Variants in PTPRT observed in about 807,000 individuals in gnomAD.
PTPRT encodes receptor-type tyrosine-protein phosphatase T.
PTPRT carries 56 observed loss-of-function variants against 176.8 expected under a neutral mutation model. The observed-to-expected ratio is 0.32, with a 90% confidence interval of 0.26 to 0.40. The LOEUF is 0.40. Among genes scored for constraint, PTPRT ranks in the 10% least tolerant of loss-of-function variants. PTPRT has a pLI of 1.00. For synonymous variants in PTPRT, 783 were observed against 739.0 expected (o/e 1.06, Z -0.96); for missense variants, 1,540 against 1,908.2 (o/e 0.81, Z 3.60).
At chr20:43,029,202 G>A (rs929449720) in intron 1 of PTPRT, among the ~76,000 whole-genome samples, 6 of 152,194 alleles carry the variant, frequency 3.9e-5, no homozygotes, top group Admixed American at 3.9e-4. Flanking sequence ...TCAAAGCCAT[G>A]ATGGTACAGT....
intron 7 of PTPRT, among the ~76,000 whole-genome samples, chr20:42,546,347 AAC>A (rs1194538931): frequency 6.6e-6 from 1 of 152,144 alleles, no homozygotes; most frequent in East Asian, 1.9e-4. Flanking sequence ...GCATTATTTG[AAC>A]ACAGTTTGAA....
intron 2 of PTPRT, among the ~76,000 whole-genome samples, chr20:42,877,378 T>C (rs536524172): frequency 6.6e-6 from 1 of 152,122 alleles, no homozygotes; most frequent in African/African-American, 2.4e-5. Flanking sequence ...GATGAGCAGC[T>C]GGCATCTTCA....
At chr20:42,844,959 C>T (rs2078343301) in intron 2 of PTPRT, among the ~76,000 whole-genome samples, 2 of 152,120 alleles carry the variant, frequency 1.3e-5, no homozygotes, top group African/African-American at 4.8e-5. Context: ...ATAGAGTTTG[C>T]GGTCTCCAAG....
chr20:42,102,435 C>A (rs73909209), intron 25 of PTPRT, 138 bp from the exon 26 acceptor site: 1 of 934,362 alleles, frequency 1.1e-6, no homozygotes. Flanking sequence ...TTCCCGGGAC[C>A]CATTTCTCTT....
chr20:42,548,399 C>T lies in PTPRT; in HGVS notation c.1154-75837G>A, dbSNP rs184374270. On this transcript the variant is annotated intron_variant, in intron 7 of 30. Transcript: ENST00000373187. ...ATATCATGTAATAAATGTTAAATTG[C>T]ACATCAATAAAAAAGTGATGGACAG... Among the ~76,000 whole-genome samples the T allele has an allele frequency of 1.6e-3, 236 of 151,934 alleles. 2 individuals carry two copies. The highest frequency in any genetic ancestry group is 5.2e-3 in the African/African-American group (214 of 41,460).
intron 2 of PTPRT, among the ~76,000 whole-genome samples, chr20:42,808,107 G>A (rs535927597): frequency 4.6e-5 from 7 of 152,274 alleles, no homozygotes; most frequent in East Asian, 1.9e-4. Flanking sequence ...AGTCCTGCCC[G>A]TTGCAGACTC....
rs561838753 is a variant in PTPRT at position 42,136,165 on chromosome 20, A to G, written c.2770+5750T>C. On this transcript the variant is annotated intron_variant, in intron 18 of 30. Coordinates refer to ENST00000373187, the MANE Select transcript of PTPRT (RefSeq NM_007050.6). Reference sequence around the variant, plus strand: ...TCAAAGAGGTGGGGCTGGGGAGAGAATATTATTTGGATACTTGATATTCTT... The same window carrying G: ...TCAAAGAGGTGGGGCTGGGGAGAGAGTATTATTTGGATACTTGATATTCTT... Among the ~76,000 whole-genome samples, 35 of 149,918 alleles carry G rather than the reference A, an allele frequency of 2.3e-4. 1 individual carries two copies. Among genetic ancestry groups the G allele is most frequent in the Non-Finnish European group, 4.3e-4 (29 of 67,588 alleles).
chr20:42,384,830 A>G (rs1438829224), intron 9 of PTPRT, among the ~76,000 whole-genome samples: 6 of 152,174 alleles, frequency 3.9e-5, no homozygotes, highest in Non-Finnish European at 8.8e-5. Flanking sequence ...TTGCACTTCC[A>G]TGATGATTAG....
the PTPRT span, among the ~76,000 whole-genome samples, chr20:42,057,172 A>C: frequency 6.6e-6 from 1 of 152,180 alleles, no homozygotes; most frequent in Non-Finnish European, 1.5e-5. Context: ...TTCAATAATT[A>C]CTGGAACAGT....
At chr20:42,937,160 A>G (rs185321611) in intron 1 of PTPRT, among the ~76,000 whole-genome samples, 1 of 152,354 alleles carries the variant, frequency 6.6e-6, no homozygotes, top group East Asian at 1.9e-4. Flanking sequence ...CACATCATAA[A>G]ACTATTCCAA....
At chr20:43,056,308 CACT>C (rs1482641673) in intron 1 of PTPRT, among the ~76,000 whole-genome samples, 1 of 152,194 alleles carries the variant, frequency 6.6e-6, no homozygotes. Flanking sequence ...ACTCTCATCC[CACT>C]ACCTTGCAGC....
chr20:42,125,000 A>G (rs1213510717), intron 19 of PTPRT, among the ~76,000 whole-genome samples: 1 of 152,146 alleles, frequency 6.6e-6, no homozygotes, highest in East Asian at 1.9e-4. Flanking sequence ...ATGTTCTTCT[A>G]GGTTCCTCCC....
At chr20:42,977,334 G>T (rs1375726098) in intron 1 of PTPRT, among the ~76,000 whole-genome samples, 1 of 152,282 alleles carries the variant, frequency 6.6e-6, no homozygotes, top group East Asian at 1.9e-4. Flanking sequence ...AGGGCACCCA[G>T]CTAGTAAATG....
At chr20:42,627,266 T>C (rs927344701) in intron 7 of PTPRT, among the ~76,000 whole-genome samples, 4 of 151,952 alleles carry the variant, frequency 2.6e-5, no homozygotes, top group Non-Finnish European at 5.9e-5. Flanking sequence ...CCATGTTTCT[T>C]TCTTTCTTTC....
chr20:42,714,640 C>A (rs764049449), intron 6 of PTPRT, among the ~76,000 whole-genome samples: 2 of 152,116 alleles, frequency 1.3e-5, no homozygotes, highest in Non-Finnish European at 2.9e-5. Context: ...TGATTTTTTC[C>A]AGCACAGTAT....
chr20:42,803,910 A>G lies in PTPRT; in HGVS notation c.215-12444T>C, dbSNP rs553343943. Among the ~76,000 whole-genome samples, 60 of 152,200 alleles carry G rather than the reference A, an allele frequency of 3.9e-4. No homozygotes were observed. In the South Asian group the frequency reaches 0.011, roughly 29 times the overall value. On this transcript the variant is annotated intron_variant, in intron 2 of 30. Transcript: ENST00000373187. ...GTCTCTCTTGAAACTGCCTTCCCACATGCACTTCTGGAAAGGACTCCAATC... is the reference window on the plus strand; with the variant it reads ...GTCTCTCTTGAAACTGCCTTCCCACGTGCACTTCTGGAAAGGACTCCAATC...
At chr20:43,058,388 AAG>A (rs983989328) in intron 1 of PTPRT, among the ~76,000 whole-genome samples, 1 of 151,672 alleles carries the variant, frequency 6.6e-6, no homozygotes, top group South Asian at 2.1e-4. Flanking sequence ...AGAAGAGAGA[AAG>A]AGAGCCAGAG....
the PTPRT span, among the ~76,000 whole-genome samples, chr20:42,036,125 T>C: frequency 6.6e-6 from 1 of 152,222 alleles, no homozygotes; most frequent in East Asian, 1.9e-4. Flanking sequence ...GGGTGAGGAA[T>C]CTAGAAAATT....
chr20:42,314,526 C>CAAA (rs386393782), intron 12 of PTPRT, among the ~76,000 whole-genome samples: 32,343 of 101,540 alleles, frequency 0.32, 4,859 homozygotes, highest in Non-Finnish European at 0.41. Context: ...GAGACTGTGT[C>CAAA]AAAAAAAAAA....
Sources: allele counts gnomAD v4.1 joint callset (sites outside exome capture counted in the v4.1 genomes callset), GRCh38; gene constraint gnomAD v4.1.1; transcripts MANE v1.5; gene names NCBI Gene and HGNC (gene_info 2026-07-23, HGNC 2026-07-21).